Variants in NECTIN1 observed in about 807,000 individuals in gnomAD.
NECTIN1 encodes nectin cell adhesion molecule 1, also known as nectin-1.
NECTIN1 carries 23 observed loss-of-function variants against 48.0 expected under a neutral mutation model. The ratio of observed to expected loss-of-function variants is 0.48; its 90% CI spans 0.34 to 0.68. NECTIN1 has a LOEUF of 0.68. Ranked by LOEUF, NECTIN1 falls within the 30% of genes least tolerant of loss-of-function variation. NECTIN1 has a pLI of 0.01. For missense variants in NECTIN1, 591 were observed against 709.9 expected, an observed-to-expected ratio of 0.83 and a Z score of 1.90; for synonymous variants, 270 against 288.9, an observed-to-expected ratio of 0.93 and a Z score of 0.66.
chr11:119,642,610 C>T (rs1267682181), intron 5 of NECTIN1: 1 of 153,696 alleles, frequency 6.5e-6, no homozygotes, highest in Non-Finnish European at 1.5e-5. Context: ...GCCCTTTCAT[C>T]ATCCTTACAG....
At chr11:119,720,932 T>TCCATCGGTGAAA (rs1865818714) in intron 1 of NECTIN1, among the ~76,000 whole-genome samples, 2 of 152,160 alleles carry the variant, frequency 1.3e-5, no homozygotes, top group African/African-American at 4.8e-5. Flanking sequence ...AGTGGCTGGC[T>TCCATCGGTGAAA]CTTTCAGCCA....
At chr11:119,641,010 C>CCACT (rs1426883892) in intron 5 of NECTIN1, 3 of 152,252 alleles carry the variant, frequency 2.0e-5, no homozygotes, top group African/African-American at 7.2e-5. Context: ...CAAGTCCCTT[C>CCACT]CACTCACTCA....
At chr11:119,638,329 G>T in intron 7 of NECTIN1, 1 of 1,547,772 alleles carries the variant, frequency 6.5e-7, no homozygotes. Flanking sequence ...CAGTTGGATT[G>T]GGACTCCTCA....
At position 119,727,396 on chromosome 11, in the gene NECTIN1, C is replaced by T. The variant is rs940955551; in HGVS notation, c.79+1079G>A. Among the ~76,000 whole-genome samples, 2 of 152,132 alleles carry T rather than the reference C, an allele frequency of 1.3e-5. No homozygotes were observed. The highest frequency in any genetic ancestry group is 4.8e-5 in the African/African-American group (2 of 41,428). ...GCTCCAGTCAAGATCCGCCCCCCTC[C>T]CCAAAATCCCATCTTGCTAGAGCTG... On this transcript the variant is annotated intron_variant, in intron 1 of 5. Transcript: ENST00000264025. The surrounding 1 kb of genome is among the most constrained non-coding windows in gnomAD (Gnocchi z 4.1).
chr11:119,638,614 T>C, intron 7 of NECTIN1: 2 of 959,202 alleles, frequency 2.1e-6, no homozygotes, highest in Non-Finnish European at 3.3e-6. Context: ...TTGTGGGAAC[T>C]GGACCATGAA....
rs138466991 is a variant in NECTIN1 at position 119,712,518 on chromosome 11, G to A, written c.79+15957C>T. Among the ~76,000 whole-genome samples the A allele has an allele frequency of 2.6e-3, 396 of 152,234 alleles. 1 individual carries two copies. Among genetic ancestry groups the A allele is most frequent in the African/African-American group, 8.2e-3 (342 of 41,538 alleles). ...CCCCAGCACGTGCAAGGCTTAGGAC[G>A]GGAGAGGGACCCCTCATTCTTTTGC... On this transcript the variant is annotated intron_variant, in intron 1 of 5. Coordinates refer to ENST00000264025, the MANE Select transcript of NECTIN1 (RefSeq NM_002855.5).
At chr11:119,645,098 T>G (rs1864378527) in intron 5 of NECTIN1, among the ~76,000 whole-genome samples, 1 of 18,820 alleles carries the variant, frequency 5.3e-5, no homozygotes, top group African/African-American at 6.0e-5. Context: ...TCTCCTCTGA[T>G]GCAGGCCACA....
At chr11:119,644,904 G>A (rs184588818) in intron 5 of NECTIN1, among the ~76,000 whole-genome samples, 161 of 152,280 alleles carry the variant, frequency 1.1e-3, no homozygotes, top group African/African-American at 3.8e-3. Context: ...ATTTCTAATA[G>A]GTGATATTAG....
Position 119,678,444 on chromosome 11 carries a change from C to T in NECTIN1, c.401G>A (p.Arg134Gln), listed in dbSNP as rs766374992. 26 of 1,614,088 alleles carry T rather than the reference C, an allele frequency of 1.6e-5. No homozygotes were observed. Among genetic ancestry groups the T allele is most frequent in the East Asian group, 1.1e-4 (5 of 44,894 alleles). Residue 134 changes from arginine (R) to glutamine (Q), a missense_variant, in exon 2 of 6, where the codon CGA becomes CAA. Arg to Gln is a conservative substitution (Grantham distance 43, BLOSUM62 1). Coordinates refer to ENST00000264025, the MANE Select transcript of NECTIN1 (RefSeq NM_002855.5). The surrounding 1 kb of genome is among the most constrained non-coding windows in gnomAD (Gnocchi z 4.4). ...CEFATFPTGN[R>Q]ESQLNLTVMA... ...CACCGTGAGATTGAGCTGGCTTTCT[C>T]GATTGCCCGTAGGGAAGGTAGCAAA... is the stretch of plus-strand genomic sequence containing the variant.
chr11:119,663,872 G>T lies in NECTIN1; in HGVS notation c.*875C>A, dbSNP rs957475946. 1.7e-5 allele frequency: 17 copies of T among 985,868 alleles called. No homozygotes were observed. Among genetic ancestry groups the T allele is most frequent in the Non-Finnish European group, 1.3e-5 (11 of 830,384 alleles). 61.1% of individuals were successfully genotyped at this position (985,868 alleles called of 1,614,324 possible). ...AGGGGGAATGAGGTGGAAATAGACGGGTGGGCCTTGGGCAGTGTCTGGATG... is the reference window on the plus strand; with the variant it reads ...AGGGGGAATGAGGTGGAAATAGACGTGTGGGCCTTGGGCAGTGTCTGGATG... On this transcript the variant is annotated 3_prime_UTR_variant, in exon 6 of 6. Transcript: ENST00000264025.
At chr11:119,644,140 C>G (rs1164439679) in intron 5 of NECTIN1, among the ~76,000 whole-genome samples, 1 of 152,248 alleles carries the variant, frequency 6.6e-6, no homozygotes, top group Non-Finnish European at 1.5e-5. Context: ...AGTGACACTC[C>G]CTGGGCCTCA....
At chr11:119,646,435 T>A (rs988689712) in intron 5 of NECTIN1, among the ~76,000 whole-genome samples, 1 of 152,262 alleles carries the variant, frequency 6.6e-6, no homozygotes, top group Non-Finnish European at 1.5e-5. Context: ...ACGGGGATGA[T>A]GTTGGCCCAT....
In NECTIN1 at chr11:119,639,777, C is replaced by T. The variant is rs535660071; in HGVS notation, c.1151+88G>A. The T allele has an allele frequency of 5.1e-6, 8 of 1,579,730 alleles. No homozygotes were observed. The Admixed American group carries it at 1.3e-4, about 27-fold the overall frequency. ...GCCCTAGAAAGGCCCTGAGCTTTCA[C>T]AAGTTTAGGTGCTTTAAGTCTGGGG... On this transcript the variant is annotated intron_variant, in intron 6 of 7. Transcript: ENST00000341398.
chr11:119,723,028 T>C (rs909105432), intron 1 of NECTIN1, among the ~76,000 whole-genome samples: 2 of 151,988 alleles, frequency 1.3e-5, no homozygotes, highest in Non-Finnish European at 2.9e-5. Context: ...CCATCCTGGC[T>C]AACAGGGTGA....
Position 119,727,813 on chromosome 11 carries a change from C to T in NECTIN1, c.79+662G>A, listed in dbSNP as rs1345611083. ...GCGGTGTCTCCTCCAGGGAGAGCCCCCAGAGCTGGGAGCAGAGTTCCGAGG... is the reference window on the plus strand; with the variant it reads ...GCGGTGTCTCCTCCAGGGAGAGCCCTCAGAGCTGGGAGCAGAGTTCCGAGG... On this transcript the variant is annotated intron_variant, in intron 1 of 5. Coordinates refer to ENST00000264025, the MANE Select transcript of NECTIN1 (RefSeq NM_002855.5). This position sits in a 1 kb window ranked among gnomAD's most constrained non-coding sequence, Gnocchi z 4.1. 6.6e-6 allele frequency among the ~76,000 whole-genome samples: 1 copy of T among 152,196 alleles called. No individual in the cohort carries two copies. Among genetic ancestry groups the T allele is most frequent in the Admixed American group, 6.5e-5 (1 of 15,292 alleles).
intron 5 of NECTIN1, among the ~76,000 whole-genome samples, chr11:119,651,362 A>G (rs910389442): frequency 6.6e-6 from 1 of 152,090 alleles, no homozygotes; most frequent in Non-Finnish European, 1.5e-5. Context: ...TCAAGCCCCC[A>G]GATCTTCCTA....
Position 119,687,792 on chromosome 11 carries a change from G to C in NECTIN1, c.80-9027C>G, listed in dbSNP as rs952154061. On this transcript the variant is annotated intron_variant, in intron 1 of 5. Transcript: ENST00000264025. ...ACCTGTTTGGAAGCAGAGGGTTCTC[G>C]ATCTGCCTCATCCCAGGAGGGGCCT... Among the ~76,000 whole-genome samples the C allele has an allele frequency of 6.6e-5, 10 of 152,330 alleles. No homozygotes were observed. The South Asian group carries it at 1.9e-3, about 28-fold the overall frequency.
chr11:119,685,228 C>T (rs963785779), intron 1 of NECTIN1, among the ~76,000 whole-genome samples: 1 of 152,220 alleles, frequency 6.6e-6, no homozygotes, highest in African/African-American at 2.4e-5. Flanking sequence ...GTCAGTGCCT[C>T]CGCCCCTCCT....
intron 1 of NECTIN1, among the ~76,000 whole-genome samples, chr11:119,715,888 C>T (rs889559303): frequency 8.5e-5 from 13 of 152,194 alleles, no homozygotes; most frequent in African/African-American, 2.7e-4. Context: ...GAGGTCAGAG[C>T]GTGGATGCCA....
Sources: allele counts gnomAD v4.1 joint callset (sites outside exome capture counted in the v4.1 genomes callset), GRCh38; gene constraint gnomAD v4.1.1; non-coding constraint Gnocchi (gnomAD v3.1); transcripts MANE v1.5; gene names NCBI Gene and HGNC (gene_info 2026-07-23, HGNC 2026-07-21).